Variants in COL18A1 observed in about 807,000 individuals in gnomAD.
COL18A1 encodes collagen alpha-1(XVIII) chain.
In COL18A1, 133 loss-of-function variants were observed where a neutral mutation model predicts 168.0. That is an observed-to-expected ratio of 0.79 (90% confidence interval 0.69 to 0.91). COL18A1 has a LOEUF of 0.91. COL18A1 is among the 40% of genes least tolerant of loss of function. COL18A1 has a pLI of 0.00. For synonymous variants in COL18A1, 949 were observed against 809.0 expected, an observed-to-expected ratio of 1.17 and a Z score of -2.94; for missense variants, 2,126 against 1,925.4, an observed-to-expected ratio of 1.10 and a Z score of -1.95.
chr21:45,492,670 C>G lies in COL18A1; in HGVS notation c.2188-17C>G. Reference sequence around the variant, plus strand: ...GGTGCGTGATGACCCCAGCTGACGCCGTCCCTCTTTCCCCAGGGCCGGCCG... The same window carrying G: ...GGTGCGTGATGACCCCAGCTGACGCGGTCCCTCTTTCCCCAGGGCCGGCCG... On this transcript the variant is annotated splice_polypyrimidine_tract_variant and intron_variant, in intron 23 of 41. Transcript: ENST00000651438. 6.2e-7 allele frequency: 1 copy of G among 1,611,516 alleles called. No homozygotes were observed.
chr21:45,429,930 GC>G (rs1383871960), intron 2 of COL18A1, among the ~76,000 whole-genome samples: 2 of 151,612 alleles, frequency 1.3e-5, no homozygotes, highest in Non-Finnish European at 3.0e-5. Flanking sequence ...TCTCCCTCGC[GC>G]CCTCTCATTG....
chr21:45,483,107 A>G (rs2236470), intron 15 of COL18A1, among the ~76,000 whole-genome samples: 31,648 of 152,264 alleles, frequency 0.21, 3,313 homozygotes, highest in Middle Eastern at 0.26. Context: ...AGCTGAGCTC[A>G]TCTGGAAACA....
At chr21:45,447,875 C>G (rs2034536988) in intron 2 of COL18A1, among the ~76,000 whole-genome samples, 1 of 152,164 alleles carries the variant, frequency 6.6e-6, no homozygotes, top group Admixed American at 6.5e-5. Flanking sequence ...CCTCGCTGCC[C>G]TGCTGTGCTC....
rs2033685363 is a variant in COL18A1, at chr21:45,423,386, T to A, written c.106+17913T>A. Reference sequence around the variant, plus strand: ...TCCACAGTTTCCCTTTCCTTGCTGCTGTATTCAGTGATTTGCAGAGAGAAA... The same window carrying A: ...TCCACAGTTTCCCTTTCCTTGCTGCAGTATTCAGTGATTTGCAGAGAGAAA... On this transcript the variant is annotated intron_variant, in intron 2 of 41. Transcript: ENST00000651438. This position sits in a 1 kb window ranked among gnomAD's most constrained non-coding sequence, Gnocchi z 4.0. Among the ~76,000 whole-genome samples, 3 of 152,232 alleles carry A rather than the reference T, an allele frequency of 2.0e-5. No individual in the cohort carries two copies. The highest frequency in any genetic ancestry group is 6.5e-5 in the Admixed American group (1 of 15,288).
chr21:45,455,704 A>T (rs2034776663), intron 2 of COL18A1: 1 of 1,613,942 alleles, frequency 6.2e-7, no homozygotes, highest in Non-Finnish European at 8.5e-7. Context: ...AGCCCACAGC[A>T]GATACCACCA....
At chr21:45,474,988 C>G (rs1232659786) in intron 4 of COL18A1, among the ~76,000 whole-genome samples, 1 of 152,182 alleles carries the variant, frequency 6.6e-6, no homozygotes, top group East Asian at 1.9e-4. Context: ...GCGCCGCACC[C>G]CTCCCCTGGC....
chr21:45,445,821 A>G (rs1211396989), intron 2 of COL18A1, among the ~76,000 whole-genome samples: 2 of 152,010 alleles, frequency 1.3e-5, no homozygotes, highest in African/African-American at 4.8e-5. Flanking sequence ...TTGATTTATG[A>G]GTTCTTTACA....
chr21:45,500,109 AGT>A (rs1157476553), intron 32 of COL18A1, among the ~76,000 whole-genome samples: 1 of 123,274 alleles, frequency 8.1e-6, no homozygotes, highest in Non-Finnish European at 1.7e-5. Flanking sequence ...GGGTGTGCTG[AGT>A]GTGTGCAGTG....
rs1281463712 is a variant in COL18A1 at position 45,443,952 on chromosome 21, C to A, written c.107-24290C>A. ...GGACTGCCTGTCCTCTTTTGGGTGG[C>A]CAGGATGTCACAGGGCGAGTAGGTG... On this transcript the variant is annotated intron_variant, in intron 2 of 41. Transcript: ENST00000651438. This position sits in a 1 kb window ranked among gnomAD's most constrained non-coding sequence, Gnocchi z 5.2. 6.6e-6 allele frequency among the ~76,000 whole-genome samples: 1 copy of A among 152,154 alleles called. No homozygotes were observed. Among genetic ancestry groups the A allele is most frequent in the Non-Finnish European group, 1.5e-5 (1 of 68,012 alleles).
At chr21:45,509,682 GC>G (rs1359088867) in intron 39 of COL18A1, 81 bp downstream of exon 39, 3 of 825,432 alleles carry the variant, frequency 3.6e-6, no homozygotes, top group Non-Finnish European at 6.0e-6. Context: ...CCCCTGCAGA[GC>G]TGCTGGGGGT....
intron 2 of COL18A1, among the ~76,000 whole-genome samples, chr21:45,444,031 T>C (rs1290340626): frequency 1.3e-5 from 2 of 152,218 alleles, no homozygotes; most frequent in Admixed American, 6.5e-5. Context: ...AGTGTCCCTC[T>C]GTGGGGAACG....
chr21:45,495,716 ACACG>A, intron 29 of COL18A1: 1 of 314,000 alleles, frequency 3.2e-6, no homozygotes, highest in Non-Finnish European at 5.6e-6. Context: ...GCGCACACAT[ACACG>A]CACACACACA....
chr21:45,505,563 G>A, intron 36 of COL18A1, 132 bp downstream of exon 36: 1 of 690,988 alleles, frequency 1.4e-6, no homozygotes, highest in Non-Finnish European at 2.5e-6. Flanking sequence ...CGGTTTCCAG[G>A]GTGGAAGCGG....
chr21:45,504,597 G>C (rs1477396174), intron 34 of COL18A1, 41 bp downstream of exon 34: 2 of 1,541,502 alleles, frequency 1.3e-6, no homozygotes, highest in Admixed American at 3.9e-5. Flanking sequence ...TGTCCCAGGG[G>C]TCTGGGTGCA....
At chr21:45,464,868 C>T (rs1301952517) in intron 2 of COL18A1, among the ~76,000 whole-genome samples, 1 of 152,220 alleles carries the variant, frequency 6.6e-6, no homozygotes, top group East Asian at 1.9e-4. Flanking sequence ...CATCCCCTTG[C>T]CACGTAAAAT....
At chr21:45,491,748 C>A (rs905252182) in intron 22 of COL18A1, among the ~76,000 whole-genome samples, 1 of 152,244 alleles carries the variant, frequency 6.6e-6, no homozygotes, top group African/African-American at 2.4e-5. Flanking sequence ...CTCAGCTGCA[C>A]CCTCTGCGCC....
At chr21:45,466,287 C>T (rs1276665175) in intron 2 of COL18A1, among the ~76,000 whole-genome samples, 1 of 152,188 alleles carries the variant, frequency 6.6e-6, no homozygotes, top group Non-Finnish European at 1.5e-5. Flanking sequence ...CACTGTCTGT[C>T]CTGGGCATAT....
At chr21:45,437,967 C>T (rs557450166) in intron 2 of COL18A1, among the ~76,000 whole-genome samples, 1 of 63,424 alleles carries the variant, frequency 1.6e-5, no homozygotes. Flanking sequence ...CTCTCCTGCA[C>T]ACACACACTC....
rs372658384 is a variant in COL18A1 at position 45,495,376 on chromosome 21, G to A, written c.2452G>A (p.Gly818Arg). 15 of 1,610,986 alleles carry A rather than the reference G, an allele frequency of 9.3e-6. No homozygotes were observed. The highest frequency in any genetic ancestry group is 4.0e-5 in the African/African-American group (3 of 74,884). The change falls in exon 29 of 42, where the codon GGA (glycine) becomes AGA (arginine). Residue 818 changes from glycine to arginine, a missense_variant. Transcript: ENST00000651438. ...GCCCCAGGGTCGCCCCGGGATGAACGGATTGAAAGGAGAGAAAGGGGAGCC... is the reference window on the plus strand; with the variant it reads ...GCCCCAGGGTCGCCCCGGGATGAACAGATTGAAAGGAGAGAAAGGGGAGCC... ...PGRPGRPGMNGLKGEKGEPGD... is the reference protein window; with the variant it reads ...PGRPGRPGMNRLKGEKGEPGD...
Sources: allele counts gnomAD v4.1 joint callset (sites outside exome capture counted in the v4.1 genomes callset), GRCh38; gene constraint gnomAD v4.1.1; non-coding constraint Gnocchi (gnomAD v3.1); transcripts MANE v1.5; gene names NCBI Gene and HGNC (gene_info 2026-07-23, HGNC 2026-07-21).